BRD10: variants seen among roughly 807,000 people sequenced by gnomAD.
BRD10 encodes the protein bromodomain containing 10, also known as uncharacterized bromodomain-containing protein 10.
chr9:5,893,915 G>A, the BRD10 span, among the ~76,000 whole-genome samples: 5 of 122,466 alleles, frequency 4.1e-5, no homozygotes, highest in Non-Finnish European at 6.6e-5. Context: ...CCCGCCCCCC[G>A]CCCCGTGGCA....
the BRD10 span, among the ~76,000 whole-genome samples, chr9:5,880,968 G>A: frequency 2.0e-5 from 3 of 152,236 alleles, no homozygotes; most frequent in Admixed American, 1.3e-4. Flanking sequence ...CTCCCAAAGT[G>A]CTGGGATTAC....
At chr9:5,888,740 G>A in the BRD10 span, among the ~76,000 whole-genome samples, 26 of 152,316 alleles carry the variant, frequency 1.7e-4, no homozygotes, top group African/African-American at 5.8e-4. Context: ...AATTGCCGAA[G>A]AACTCAACGT....
the BRD10 span, chr9:5,918,916 A>C: frequency 6.6e-6 from 1 of 152,298 alleles, no homozygotes; most frequent in African/African-American, 2.4e-5. Flanking sequence ...TCTAATTCAA[A>C]TTTCCCACCC....
At chr9:5,965,058 A>T in the BRD10 span, among the ~76,000 whole-genome samples, 14 of 9,282 alleles carry the variant, frequency 1.5e-3, no homozygotes, top group African/African-American at 5.0e-3. Flanking sequence ...AAGTATAATA[A>T]AAAAAAAAAA....
At chr9:5,991,979 T>C in the BRD10 span, among the ~76,000 whole-genome samples, 3 of 152,150 alleles carry the variant, frequency 2.0e-5, no homozygotes, top group Non-Finnish European at 4.4e-5. Context: ...TTGATCACTC[T>C]CCTTTAAGAC....
At chr9:5,980,684 G>A in the BRD10 span, among the ~76,000 whole-genome samples, 1 of 151,426 alleles carries the variant, frequency 6.6e-6, no homozygotes, top group East Asian at 1.9e-4. Flanking sequence ...TATGTATATA[G>A]AGAGAGAGAG....
the BRD10 span, among the ~76,000 whole-genome samples, chr9:5,998,474 T>C: frequency 6.6e-6 from 1 of 152,094 alleles, no homozygotes. Context: ...TGCTCCCTAC[T>C]CCTTCAAATC....
chr9:5,993,841 A>T, the BRD10 span, among the ~76,000 whole-genome samples: 44 of 152,228 alleles, frequency 2.9e-4, no homozygotes, highest in Non-Finnish European at 5.9e-4. Flanking sequence ...AAATGCATTT[A>T]CAGGGGCAAA....
the BRD10 span, chr9:5,924,833 C>G: frequency 1.3e-6 from 2 of 1,495,966 alleles, no homozygotes; most frequent in Non-Finnish European, 1.8e-6. Flanking sequence ...CATAGTCTTT[C>G]TTCAGGCGGC....
chr9:5,928,534 G>A, the BRD10 span, among the ~76,000 whole-genome samples: 2 of 151,806 alleles, frequency 1.3e-5, no homozygotes, highest in African/African-American at 2.4e-5. Flanking sequence ...CTCTTCACTC[G>A]CTCTGCTCTG....
the BRD10 span, among the ~76,000 whole-genome samples, chr9:5,901,819 G>A: frequency 6.6e-6 from 1 of 152,196 alleles, no homozygotes; most frequent in Admixed American, 6.5e-5. Context: ...ACCACGCCTG[G>A]CCTGATTTCT....
the BRD10 span, among the ~76,000 whole-genome samples, chr9:6,004,580 A>G: frequency 2.0e-5 from 3 of 152,360 alleles, no homozygotes; most frequent in Middle Eastern, 3.4e-3. Context: ...CACTTTGAAA[A>G]TAAGTTCCTT....
chr9:5,908,690 A>G, the BRD10 span: 1 of 1,614,016 alleles, frequency 6.2e-7, no homozygotes, highest in Non-Finnish European at 8.5e-7. Context: ...AACAGTCACC[A>G]CCACCTTATT....
chr9:5,882,998 G>T, the BRD10 span, among the ~76,000 whole-genome samples: 3 of 152,054 alleles, frequency 2.0e-5, no homozygotes, highest in African/African-American at 7.2e-5. Flanking sequence ...ATCACACACC[G>T]GGGCCTGTTG....
At chr9:5,973,155 C>G in the BRD10 span, among the ~76,000 whole-genome samples, 1 of 152,146 alleles carries the variant, frequency 6.6e-6, no homozygotes, top group East Asian at 1.9e-4. Flanking sequence ...AAAAAGAAGA[C>G]AAGATAGAAT....
At chr9:5,920,053 T>G in the BRD10 span, 1 of 1,613,992 alleles carries the variant, frequency 6.2e-7, no homozygotes. Flanking sequence ...GTTGTGGTGA[T>G]GTATGTACTG....
the BRD10 span, among the ~76,000 whole-genome samples, chr9:5,969,806 A>T: frequency 1.3e-5 from 2 of 152,190 alleles, no homozygotes; most frequent in East Asian, 1.9e-4. Context: ...TCGGCCTCCC[A>T]AAGTGTTGAG....
the BRD10 span, chr9:5,919,998 T>A: frequency 6.2e-7 from 1 of 1,613,986 alleles, no homozygotes; most frequent in Non-Finnish European, 8.5e-7. Context: ...AGTGATACTG[T>A]TGGTACAGGA....
the BRD10 span, chr9:5,969,112 C>A: frequency 6.2e-7 from 1 of 1,613,840 alleles, no homozygotes; most frequent in Non-Finnish European, 8.5e-7. Context: ...CTTTCTGCCT[C>A]AGCGCTGCTT....
Sources: gnomAD v4.1 joint callset for allele counts (sites outside exome capture counted in the v4.1 genomes callset) on GRCh38, gnomAD v4.1.1 for gene constraint, MANE v1.5 for transcripts, NCBI Gene and HGNC (gene_info 2026-07-23, HGNC 2026-07-21) for gene names.